KIF13A: variants seen among roughly 807,000 people sequenced by gnomAD.
The protein encoded by KIF13A is kinesin-like protein KIF13A.
In KIF13A, 79 loss-of-function variants were observed where a neutral mutation model predicts 212.2. The observed-to-expected ratio is 0.37, with a 90% CI of 0.31 to 0.45. KIF13A has a LOEUF of 0.45. Ranked by LOEUF, KIF13A falls within the 20% of genes least tolerant of loss-of-function variation. KIF13A has a pLI of 1.00. For synonymous variants in KIF13A, 789 were observed against 808.6 expected, an observed-to-expected ratio of 0.98 and a Z score of 0.41; for missense variants, 1,901 against 2,209.0, an observed-to-expected ratio of 0.86 and a Z score of 2.79.
chr6:17,960,841 C>A (rs1360532770), intron 2 of KIF13A, among the ~76,000 whole-genome samples: 1 of 152,206 alleles, frequency 6.6e-6, no homozygotes, highest in South Asian at 2.1e-4. Flanking sequence ...GAAGCCCCTA[C>A]TGACTTCGTC....
intron 3 of KIF13A, among the ~76,000 whole-genome samples, chr6:17,874,256 G>A (rs1435909336): frequency 7.0e-6 from 1 of 143,714 alleles, no homozygotes; most frequent in East Asian, 2.1e-4. Context: ...GCAATCTCCA[G>A]CAAAGCATGT....
intron 9 of KIF13A, among the ~76,000 whole-genome samples, chr6:17,842,485 C>A (rs1436778866): frequency 1.3e-5 from 2 of 152,162 alleles, no homozygotes; most frequent in Non-Finnish European, 2.9e-5. Flanking sequence ...TCACAGGAAT[C>A]CAGAACAAGG....
At chr6:17,936,323 A>G in intron 2 of KIF13A, 1 of 156,708 alleles carries the variant, frequency 6.4e-6, no homozygotes, top group Non-Finnish European at 1.4e-5. Flanking sequence ...TTTTTTTTGT[A>G]TTTTTAGTAG....
chr6:17,874,702 T>G (rs1472077619), intron 3 of KIF13A, among the ~76,000 whole-genome samples: 1 of 152,056 alleles, frequency 6.6e-6, no homozygotes, highest in African/African-American at 2.4e-5. Context: ...TGTGAGATTT[T>G]GGTGCACCCA....
chr6:17,830,004 A>G (rs1054713180), intron 13 of KIF13A, among the ~76,000 whole-genome samples: 10 of 152,170 alleles, frequency 6.6e-5, no homozygotes, highest in Admixed American at 1.3e-4. Flanking sequence ...CAGGTCCCCA[A>G]TCCTTGAAAG....
intron 3 of KIF13A, among the ~76,000 whole-genome samples, chr6:17,890,594 G>A (rs1010029307): frequency 1.3e-5 from 2 of 151,078 alleles, no homozygotes; most frequent in Non-Finnish European, 2.9e-5. Flanking sequence ...TCAGAAGGTG[G>A]CTAAACTAAC....
At chr6:17,980,955 G>C (rs1188234333) in intron 2 of KIF13A, among the ~76,000 whole-genome samples, 1 of 150,186 alleles carries the variant, frequency 6.7e-6, no homozygotes, top group Non-Finnish European at 1.5e-5. Flanking sequence ...AATACGGTGG[G>C]AAATTCCAAA....
At position 17,786,476 on chromosome 6, in the gene KIF13A, T is replaced by G. The variant is rs1472487615; in HGVS notation, c.3362-835A>C. 6.6e-6 allele frequency among the ~76,000 whole-genome samples: 1 copy of G among 151,888 alleles called. No individual in the cohort carries two copies. Among genetic ancestry groups the G allele is most frequent in the Non-Finnish European group, 1.5e-5 (1 of 67,970 alleles). ...TAGCCAGGCGTGGTGGTGGGCGCCT[T>G]GTAGTCCCAGCTACTCAGGAGACTG... On this transcript the variant is annotated intron_variant, in intron 27 of 38. Coordinates refer to ENST00000259711, the MANE Select transcript of KIF13A (RefSeq NM_022113.6). This position sits in a 1 kb window ranked among gnomAD's most constrained non-coding sequence, Gnocchi z 5.4.
intron 2 of KIF13A, among the ~76,000 whole-genome samples, chr6:17,960,641 T>C (rs1241145115): frequency 1.3e-5 from 2 of 152,142 alleles, no homozygotes; most frequent in African/African-American, 4.8e-5. Context: ...GAGAGCATCA[T>C]CTCTCAGGAG....
chr6:17,970,082 C>T (rs955396910), intron 2 of KIF13A, among the ~76,000 whole-genome samples: 2 of 152,038 alleles, frequency 1.3e-5, no homozygotes, highest in East Asian at 3.9e-4. Context: ...GCCACCACGC[C>T]CGGCTAATTT....
intron 31 of KIF13A, among the ~76,000 whole-genome samples, chr6:17,780,352 G>A (rs1225143307): frequency 6.6e-6 from 1 of 152,208 alleles, no homozygotes; most frequent in Non-Finnish European, 1.5e-5. Context: ...CTCTGAGATG[G>A]GATCCGTCAA....
intron 2 of KIF13A, among the ~76,000 whole-genome samples, chr6:17,920,684 G>C (rs917473987): frequency 2.6e-5 from 4 of 152,022 alleles, no homozygotes; most frequent in African/African-American, 9.7e-5. Flanking sequence ...GACCAGCCTG[G>C]CCATCATGGT....
Position 17,777,087 on chromosome 6 carries a change from TG to T in KIF13A, c.4170+189del, listed in dbSNP as rs1760053708. Among the ~76,000 whole-genome samples, 1 of 152,214 alleles carries T rather than the reference TG, an allele frequency of 6.6e-6. No homozygotes were observed. The highest frequency in any genetic ancestry group is 2.1e-4 in the South Asian group (1 of 4,830). On this transcript the variant is annotated intron_variant, in intron 34 of 38. Coordinates refer to ENST00000259711, the MANE Select transcript of KIF13A (RefSeq NM_022113.6). This position sits in a 1 kb window ranked among gnomAD's most constrained non-coding sequence, Gnocchi z 4.4. ...CTTGCTGAACAGGAATTCATAAGAT[TG>T]AACAAATGGCTCAGTCTTAGACAAC...
chr6:17,796,805 C>T lies in KIF13A; in HGVS notation c.2806G>A (p.Val936Ile). Residue 936 changes from valine to isoleucine, a missense_variant, in exon 23 of 39, where the codon GTA becomes ATA. By Grantham distance (29) the Val-to-Ile change is conservative. Around this residue, in one of 5 missense-constraint regions of KIF13A, gnomAD observed 534 missense variants for 536.9 expected, o/e 0.99. Transcript: ENST00000259711. ...ATGAACTCCAGAAATTCTTCTGTTA[C>T]ATTCACCACATAGTCCTGGGATAAG... ...FSHCKDYVVN[V>I]TEEFLEFISD... 3 of 1,563,930 alleles carry T rather than the reference C, an allele frequency of 1.9e-6. No homozygotes were observed. Among genetic ancestry groups the T allele is most frequent in the Non-Finnish European group, 2.6e-6 (3 of 1,152,352 alleles).
chr6:17,904,442 T>G (rs1479492659), intron 2 of KIF13A, among the ~76,000 whole-genome samples: 1 of 152,278 alleles, frequency 6.6e-6, no homozygotes, highest in East Asian at 1.9e-4. Context: ...CACTCCAGCC[T>G]GGGTGACAGA....
Position 17,826,307 on chromosome 6 carries a change from G to A in KIF13A, c.1533-183C>T, listed in dbSNP as rs1764956251. Among the ~76,000 whole-genome samples the A allele has an allele frequency of 6.6e-6, 1 of 152,192 alleles. No homozygotes were observed. Among genetic ancestry groups the A allele is most frequent in the African/African-American group, 2.4e-5 (1 of 41,450 alleles). Reference sequence around the variant, plus strand: ...CACAATCTAAGCCATGAGGACCAAGGGCTGCCAACACCCCTCAGAGAATGA... The same window carrying A: ...CACAATCTAAGCCATGAGGACCAAGAGCTGCCAACACCCCTCAGAGAATGA... On this transcript the variant is annotated intron_variant, in intron 14 of 38. Coordinates refer to ENST00000259711, the MANE Select transcript of KIF13A (RefSeq NM_022113.6). The surrounding 1 kb of genome is among the most constrained non-coding windows in gnomAD (Gnocchi z 4.7).
chr6:17,848,556 ATCTTT>A (rs1296107623), intron 9 of KIF13A, among the ~76,000 whole-genome samples: 4 of 129,862 alleles, frequency 3.1e-5, no homozygotes, highest in Non-Finnish European at 6.4e-5. Context: ...AAACTCGTAC[ATCTTT>A]TTTTTTTTTT....
rs971211755 is a variant in KIF13A, at chr6:17,816,956, C to T, written c.2000+64G>A. On this transcript the variant is annotated intron_variant, in intron 17 of 38. Transcript: ENST00000259711. This position sits in a 1 kb window ranked among gnomAD's most constrained non-coding sequence, Gnocchi z 4.3. Reference sequence around the variant, plus strand: ...TTTGTCCCTGACATGTCTCAAAAACCCCTCCCTCAAAGACCCACGGCCTTG... The same window carrying T: ...TTTGTCCCTGACATGTCTCAAAAACTCCTCCCTCAAAGACCCACGGCCTTG... 2 of 1,357,392 alleles carry T rather than the reference C, an allele frequency of 1.5e-6. No individual in the cohort carries two copies. The highest frequency in any genetic ancestry group is 2.9e-5 in the African/African-American group (2 of 68,694). 84.1% of individuals were successfully genotyped at this position (1,357,392 alleles called of 1,614,324 possible).
intron 16 of KIF13A, among the ~76,000 whole-genome samples, chr6:17,823,203 A>T (rs754720739): frequency 6.6e-6 from 1 of 151,346 alleles, no homozygotes; most frequent in Non-Finnish European, 1.5e-5. Flanking sequence ...TGCCTGGCTA[A>T]ATTTTTATTT....
Sources: gnomAD v4.1 joint callset for allele counts (sites outside exome capture counted in the v4.1 genomes callset) on GRCh38, gnomAD v4.1.1 for gene constraint, gnomAD v4.1.1 regional missense constraint, Gnocchi (gnomAD v3.1) non-coding constraint, MANE v1.5 for transcripts, NCBI Gene and HGNC (gene_info 2026-07-23, HGNC 2026-07-21) for gene names.